Variants in RSU1 observed in about 807,000 individuals in gnomAD.
RSU1 encodes Ras suppressor protein 1, also known as rsu-1.
A neutral mutation model predicts 31.1 loss-of-function variants in RSU1; 26 were observed. That is an observed-to-expected ratio of 0.84 (90% CI 0.61 to 1.16). The LOEUF (loss-of-function observed/expected upper bound fraction) is 1.16. Among genes scored for constraint, RSU1 ranks in the 50% most tolerant of loss-of-function variants. The pLI is 0.00. For missense variants in RSU1, 320 were observed against 339.1 expected (o/e 0.94, Z 0.44); for synonymous variants, 164 against 136.3 (o/e 1.20, Z -1.41).
intron 7 of RSU1, among the ~76,000 whole-genome samples, chr10:16,706,043 T>C (rs1835893877): frequency 6.6e-6 from 1 of 152,218 alleles, no homozygotes; most frequent in South Asian, 2.1e-4. Context: ...ATTCATCTGT[T>C]GATGTACACG....
At chr10:16,650,757 A>G (rs899126700) in intron 8 of RSU1, among the ~76,000 whole-genome samples, 1 of 144,368 alleles carries the variant, frequency 6.9e-6, no homozygotes, top group Non-Finnish European at 1.5e-5. Context: ...TTTTTTTTTT[A>G]TTTTTAGCAG....
At chr10:16,769,871 T>C (rs796480166) in intron 3 of RSU1, among the ~76,000 whole-genome samples, 6 of 152,292 alleles carry the variant, frequency 3.9e-5, no homozygotes, top group African/African-American at 1.4e-4. Context: ...TCAACGTGGA[T>C]GCTACAATCA....
At chr10:16,625,537 G>A (rs532876650) in intron 8 of RSU1, among the ~76,000 whole-genome samples, 34 of 152,302 alleles carry the variant, frequency 2.2e-4, no homozygotes, top group African/African-American at 7.7e-4. Context: ...CTGTACAGAA[G>A]CATCAACCAT....
intron 7 of RSU1, among the ~76,000 whole-genome samples, chr10:16,732,960 C>T (rs1470896897): frequency 6.6e-6 from 1 of 152,072 alleles, no homozygotes; most frequent in Non-Finnish European, 1.5e-5. Flanking sequence ...ACCTGCATGG[C>T]TTTGACAGGT....
chr10:16,691,142 T>G (rs1564318590), intron 8 of RSU1, among the ~76,000 whole-genome samples: 1 of 152,170 alleles, frequency 6.6e-6, no homozygotes, highest in African/African-American at 2.4e-5. Flanking sequence ...GGCTGCCACA[T>G]GTAAAACGTT....
chr10:16,764,260 C>G, intron 4 of RSU1, 130 bp downstream of exon 4: 4 of 1,138,786 alleles, frequency 3.5e-6, no homozygotes, highest in Non-Finnish European at 3.5e-6. Context: ...TTTTTTAAGA[C>G]CCAAAACATA....
chr10:16,598,672 G>A (rs1833661470), intron 8 of RSU1, among the ~76,000 whole-genome samples: 1 of 152,250 alleles, frequency 6.6e-6, no homozygotes, highest in African/African-American at 2.4e-5. Flanking sequence ...GTCTGTGTAA[G>A]CCAGAAAAGC....
intron 8 of RSU1, among the ~76,000 whole-genome samples, chr10:16,626,861 C>A (rs1834167761): frequency 6.6e-6 from 1 of 152,116 alleles, no homozygotes; most frequent in Non-Finnish European, 1.5e-5. Context: ...ATAAGCCAGG[C>A]CTGGAGCATT....
At chr10:16,631,200 A>G (rs1414410388) in intron 8 of RSU1, among the ~76,000 whole-genome samples, 1 of 152,244 alleles carries the variant, frequency 6.6e-6, no homozygotes, top group Non-Finnish European at 1.5e-5. Context: ...CACGTTCCAC[A>G]GGAGAGATGT....
intron 7 of RSU1, among the ~76,000 whole-genome samples, chr10:16,703,865 T>C (rs1835843064): frequency 6.6e-6 from 1 of 152,254 alleles, no homozygotes; most frequent in African/African-American, 2.4e-5. Context: ...AGATCATAAA[T>C]GCTACCCTTT....
intron 1 of RSU1, 26 bp downstream of exon 1, chr10:16,817,289 C>A: frequency 1.7e-6 from 1 of 574,318 alleles, no homozygotes. Context: ...AGAAGCAACC[C>A]CAAGTGCAAC....
At chr10:16,638,784 C>CT (rs1395774807) in intron 8 of RSU1, among the ~76,000 whole-genome samples, 2 of 152,184 alleles carry the variant, frequency 1.3e-5, no homozygotes, top group Non-Finnish European at 2.9e-5. Flanking sequence ...GAGGGCCGCG[C>CT]TAGACGAGAA....
chr10:16,631,193 G>A (rs1481815366), intron 8 of RSU1, among the ~76,000 whole-genome samples: 1 of 152,168 alleles, frequency 6.6e-6, no homozygotes, highest in African/African-American at 2.4e-5. Context: ...AAACTGTCAC[G>A]TTCCACAGGA....
At chr10:16,605,090 T>C (rs1833780132) in intron 8 of RSU1, among the ~76,000 whole-genome samples, 2 of 152,204 alleles carry the variant, frequency 1.3e-5, no homozygotes, top group Non-Finnish European at 2.9e-5. Flanking sequence ...GCTGTATTGC[T>C]GGATGATGTT....
intron 8 of RSU1, among the ~76,000 whole-genome samples, chr10:16,665,807 C>T (rs7089697): frequency 0.65 from 99,196 of 152,016 alleles, 33,391 homozygotes; most frequent in African/African-American, 0.82. Context: ...AAAATTTAGA[C>T]AAATTTCTAT....
intron 8 of RSU1, among the ~76,000 whole-genome samples, chr10:16,595,886 T>C (rs146924566): frequency 0.013 from 2,028 of 152,136 alleles, 44 homozygotes; most frequent in African/African-American, 0.046. Context: ...GCAGAATTAC[T>C]TGAACCTGGG....
At chr10:16,658,346 T>C (rs1834827742) in intron 8 of RSU1, among the ~76,000 whole-genome samples, 1 of 152,200 alleles carries the variant, frequency 6.6e-6, no homozygotes, top group Non-Finnish European at 1.5e-5. Context: ...GATTTTTCTC[T>C]GCAGGTATTT....
chr10:16,725,435 T>C (rs1476926677), intron 7 of RSU1, among the ~76,000 whole-genome samples: 1 of 152,130 alleles, frequency 6.6e-6, no homozygotes, highest in Non-Finnish European at 1.5e-5. Flanking sequence ...AAGTGTTAGG[T>C]TCTGAATGCT....
rs185150450 is a variant in RSU1, at chr10:16,803,696, T to C, written c.109+13277A>G. Among the ~76,000 whole-genome samples the C allele has an allele frequency of 3.9e-5, 6 of 152,258 alleles. No homozygotes were observed. The East Asian group carries it at 1.2e-3, about 29-fold the overall frequency. ...GACCCACACAAATATAATCAGCTAA[T>C]CTTTGGCAAAAGTGCAAAGGCAATT... On this transcript the variant is annotated intron_variant, in intron 2 of 8. Transcript: ENST00000345264.
Sources: gnomAD v4.1 joint callset for allele counts (sites outside exome capture counted in the v4.1 genomes callset) on GRCh38, gnomAD v4.1.1 for gene constraint, MANE v1.5 for transcripts, NCBI Gene and HGNC (gene_info 2026-07-23, HGNC 2026-07-21) for gene names.